SLCO3A1: variants seen among roughly 807,000 people sequenced by gnomAD.
SLCO3A1 encodes PGE1 transporter.
SLCO3A1 carries 27 observed loss-of-function variants against 63.1 expected under a neutral mutation model. That is an observed-to-expected ratio of 0.43 (90% CI 0.32 to 0.59). The LOEUF is 0.59. SLCO3A1 is among the 20% of genes least tolerant of loss of function. SLCO3A1 has a pLI of 0.09. For missense variants in SLCO3A1, 773 were observed against 945.8 expected (o/e 0.82, Z 2.40); for synonymous variants, 473 against 409.9 (o/e 1.15, Z -1.86).
At chr15:91,915,455 A>C (rs141841144) in intron 1 of SLCO3A1, among the ~76,000 whole-genome samples, 9 of 152,230 alleles carry the variant, frequency 5.9e-5, no homozygotes, top group Non-Finnish European at 7.4e-5. Context: ...AGAGCAAATG[A>C]TTACCCCGCT....
At chr15:92,144,266 G>C (rs2151585559) in intron 7 of SLCO3A1, among the ~76,000 whole-genome samples, 1 of 151,910 alleles carries the variant, frequency 6.6e-6, no homozygotes, top group South Asian at 2.1e-4. Context: ...ATACACAGGA[G>C]ATAGCCAGAG....
chr15:92,137,243 G>A lies in SLCO3A1; in HGVS notation c.1512+8754G>A, dbSNP rs1416346177. Among the ~76,000 whole-genome samples, 601 of 114,898 alleles carry A rather than the reference G, an allele frequency of 5.2e-3. 15 individuals are homozygous for A. Among genetic ancestry groups the A allele is most frequent in the African/African-American group, 0.015 (363 of 23,568 alleles). The allele number at this position is 114,898 out of a possible 152,430, so 75.4% of individuals were successfully genotyped here. ...GCTGTGTTTGGTTTTTTGTTCTTGTGATAGTTTACTGAGAATGATGATTTC... is the reference window on the plus strand; with the variant it reads ...GCTGTGTTTGGTTTTTTGTTCTTGTAATAGTTTACTGAGAATGATGATTTC... On this transcript the variant is annotated intron_variant, in intron 7 of 9. Coordinates refer to ENST00000318445, the MANE Select transcript of SLCO3A1 (RefSeq NM_013272.4).
chr15:92,081,749 G>A (rs2047349228), intron 2 of SLCO3A1, among the ~76,000 whole-genome samples: 1 of 152,214 alleles, frequency 6.6e-6, no homozygotes, highest in African/African-American at 2.4e-5. Context: ...TTCTCAACCT[G>A]TCTGCAGGTA....
At chr15:91,929,417 G>T (rs566218535) in intron 2 of SLCO3A1, among the ~76,000 whole-genome samples, 1 of 152,306 alleles carries the variant, frequency 6.6e-6, no homozygotes, top group Non-Finnish European at 1.5e-5. Context: ...AGAGGGTCTG[G>T]AGATTAAATT....
chr15:92,126,438 A>G (rs1389373276), intron 6 of SLCO3A1, among the ~76,000 whole-genome samples, 179 bp downstream of exon 6: 1 of 152,170 alleles, frequency 6.6e-6, no homozygotes, highest in East Asian at 1.9e-4. Context: ...CTGAGAAAGC[A>G]GACCTTTCCA....
At chr15:92,167,506 G>A (rs1356158894), downstream of SLCO3A1, among the ~76,000 whole-genome samples, 1 of 151,994 alleles carries the variant, frequency 6.6e-6, no homozygotes, top group Non-Finnish European at 1.5e-5. Flanking sequence ...CACCTGCTCC[G>A]CCCGACTTAT....
intron 7 of SLCO3A1, among the ~76,000 whole-genome samples, chr15:92,131,536 T>G (rs2047997248): frequency 1.4e-5 from 2 of 144,520 alleles, no homozygotes; most frequent in Non-Finnish European, 3.1e-5. Context: ...AGCTAATTTT[T>G]TATATTTTTG....
chr15:91,938,189 C>T (rs766436897), intron 2 of SLCO3A1, among the ~76,000 whole-genome samples: 1 of 152,174 alleles, frequency 6.6e-6, no homozygotes, highest in Non-Finnish European at 1.5e-5. Flanking sequence ...CCTCAGTGTG[C>T]TCATGATTAA....
intron 7 of SLCO3A1, among the ~76,000 whole-genome samples, chr15:92,142,245 G>A (rs1035520914): frequency 3.3e-5 from 5 of 152,122 alleles, no homozygotes; most frequent in African/African-American, 1.2e-4. Flanking sequence ...TGTCTATTCA[G>A]CATGGGGCTA....
rs1305651168 is a variant in SLCO3A1, at chr15:91,948,036, A to G, written c.646+31578A>G. ...GGTGTTCCAGCAGGGCCGTGGGAGC[A>G]GAAGCAGAATTCAGATGACAGATAG... On this transcript the variant is annotated intron_variant, in intron 2 of 9. Transcript: ENST00000318445. This position sits in a 1 kb window ranked among gnomAD's most constrained non-coding sequence, Gnocchi z 4.8. Among the ~76,000 whole-genome samples the G allele has an allele frequency of 1.3e-5, 2 of 152,234 alleles. No homozygotes were observed. The highest frequency in any genetic ancestry group is 2.4e-5 in the African/African-American group (1 of 41,462).
chr15:92,043,077 C>T (rs1244532109), intron 2 of SLCO3A1, among the ~76,000 whole-genome samples: 1 of 151,956 alleles, frequency 6.6e-6, no homozygotes, highest in Non-Finnish European at 1.5e-5. Flanking sequence ...TTTGATCTGC[C>T]AAGAGTCATT....
At chr15:92,016,258 A>ATAGATAGATAGATAGATTGAT (rs2046433294) in intron 2 of SLCO3A1, among the ~76,000 whole-genome samples, 2 of 126,174 alleles carry the variant, frequency 1.6e-5, no homozygotes, top group African/African-American at 3.3e-5. Context: ...GATAGATTAG[A>ATAGATAGATAGATAGATTGAT]TAGATAGATA....
chr15:92,016,254 TTAG>T lies in SLCO3A1; in HGVS notation c.647-78626_647-78624del, dbSNP rs2046432473. On this transcript the variant is annotated intron_variant, in intron 2 of 9. Transcript: ENST00000318445. ...ATAGATAGATAGATAGATAGATAGA[TTAG>T]ATAGATAGATAGATAGATAGATAGA... Among the ~76,000 whole-genome samples the T allele has an allele frequency of 3.1e-5, 3 of 95,708 alleles. No individual in the cohort carries two copies. In the East Asian group the frequency reaches 1.4e-3, roughly 45 times the overall value. 62.8% of individuals were successfully genotyped at this position (95,708 alleles called of 152,430 possible). A position where few individuals can be genotyped will look rare whatever the true frequency, so the allele number is the denominator to read the frequency against.
At chr15:92,056,428 T>A (rs1030417557) in intron 2 of SLCO3A1, among the ~76,000 whole-genome samples, 1 of 152,152 alleles carries the variant, frequency 6.6e-6, no homozygotes, top group Admixed American at 6.5e-5. Flanking sequence ...GCAGGGCAAA[T>A]AACTTCGCTT....
At position 91,856,121 on chromosome 15, in the gene SLCO3A1, T is replaced by A. The variant is rs1389161298; in HGVS notation, c.180+2033T>A. Among the ~76,000 whole-genome samples, 1 of 151,852 alleles carries A rather than the reference T, an allele frequency of 6.6e-6. No homozygotes were observed. Among genetic ancestry groups the A allele is most frequent in the African/African-American group, 2.4e-5 (1 of 41,332 alleles). On this transcript the variant is annotated intron_variant, in intron 1 of 9. Coordinates refer to ENST00000318445, the MANE Select transcript of SLCO3A1 (RefSeq NM_013272.4). This position sits in a 1 kb window ranked among gnomAD's most constrained non-coding sequence, Gnocchi z 4.9. The stretch of plus-strand genomic sequence containing the variant: ...CCAGGAGATAGGAGGTTGACTTTAA[T>A]CCCAGAACAGGGGAATGGCAAGCAG...
chr15:92,026,098 C>T (rs1288749976), intron 2 of SLCO3A1, among the ~76,000 whole-genome samples: 3 of 152,100 alleles, frequency 2.0e-5, no homozygotes, highest in Non-Finnish European at 4.4e-5. Context: ...CTGCACGTGT[C>T]CAAGCCCGTG....
intron 2 of SLCO3A1, among the ~76,000 whole-genome samples, chr15:91,998,021 T>A (rs75842090): frequency 0.027 from 4,055 of 152,230 alleles, 189 homozygotes; most frequent in African/African-American, 0.093. Flanking sequence ...AGCTTCTACA[T>A]AACAAAAGAA....
At chr15:92,010,064 C>T (rs577227360) in intron 2 of SLCO3A1, among the ~76,000 whole-genome samples, 3 of 152,296 alleles carry the variant, frequency 2.0e-5, no homozygotes, top group Admixed American at 6.5e-5. Context: ...TGGGAGATGG[C>T]GGAGCAGGTA....
Position 91,865,288 on chromosome 15 carries a change from T to A in SLCO3A1, c.180+11200T>A, listed in dbSNP as rs577421519. On this transcript the variant is annotated intron_variant, in intron 1 of 9. Coordinates refer to ENST00000318445, the MANE Select transcript of SLCO3A1 (RefSeq NM_013272.4). The surrounding 1 kb of genome is among the most constrained non-coding windows in gnomAD (Gnocchi z 4.6). ...TAGGATTATTCCCTAACATTTTCAA[T>A]ATCTCAGATGCTAGACCAAAATTGG... 6.6e-6 allele frequency among the ~76,000 whole-genome samples: 1 copy of A among 152,360 alleles called. No homozygotes were observed. Among genetic ancestry groups the A allele is most frequent in the Admixed American group, 6.5e-5 (1 of 15,304 alleles).
Sources: gnomAD v4.1 joint callset for allele counts (sites outside exome capture counted in the v4.1 genomes callset) on GRCh38, gnomAD v4.1.1 for gene constraint, Gnocchi (gnomAD v3.1) non-coding constraint, MANE v1.5 for transcripts, NCBI Gene and HGNC (gene_info 2026-07-23, HGNC 2026-07-21) for gene names.